Variants in HSD17B2 observed in about 807,000 individuals in gnomAD.
HSD17B2 encodes hydroxysteroid 17-beta dehydrogenase 2, also known as 17-beta-hydroxysteroid dehydrogenase type 2.
HSD17B2 carries 32 observed loss-of-function variants against 26.9 expected under a neutral mutation model. The ratio of observed to expected loss-of-function variants is 1.19; its 90% CI spans 0.90 to 1.60. The LOEUF (loss-of-function observed/expected upper bound fraction) is 1.60. Ranked by LOEUF, HSD17B2 falls within the 40% of genes most tolerant of loss-of-function variation. HSD17B2 has a pLI of 0.00. For missense variants in HSD17B2, 613 were observed against 468.6 expected (o/e 1.31, Z -2.85); for synonymous variants, 246 against 186.7 (o/e 1.32, Z -2.59).
intron 3 of HSD17B2, among the ~76,000 whole-genome samples, chr16:82,074,600 A>C (rs1914770613): frequency 6.6e-6 from 1 of 152,246 alleles, no homozygotes; most frequent in Non-Finnish European, 1.5e-5. Flanking sequence ...AAAAAGAGAC[A>C]AAGAAGGTCA....
intron 1 of HSD17B2, among the ~76,000 whole-genome samples, chr16:82,045,019 A>T (rs996840344): frequency 6.8e-6 from 1 of 147,454 alleles, no homozygotes; most frequent in Non-Finnish European, 1.5e-5. Flanking sequence ...TCTACTCAGG[A>T]GGCTGAGACA....
chr16:82,079,975 CTCCAGAAGAAGCACGTGGTTG>C (rs1014434371), intron 3 of HSD17B2, among the ~76,000 whole-genome samples: 81 of 152,254 alleles, frequency 5.3e-4, no homozygotes, highest in African/African-American at 1.8e-3. Context: ...CTAATAAGGG[CTCCAGAAGAAGCACGTGGTTG>C]CCCTGACCCA....
rs190472432 is a variant in HSD17B2, at chr16:82,090,121, T to C, written c.665-781T>C. ...CCACCATTTCCCAGGATGTATGTTA[T>C]TCCTCGTTGCAACAAGTATTGAGCA... On this transcript the variant is annotated intron_variant, in intron 3 of 4. Coordinates refer to ENST00000199936, the MANE Select transcript of HSD17B2 (RefSeq NM_002153.3). The C allele has an allele frequency of 1.8e-3, 926 of 503,960 alleles. 5 individuals are homozygous for C. The highest frequency in any genetic ancestry group is 1.8e-3 in the Non-Finnish European group (715 of 388,778). 31.2% of individuals were successfully genotyped at this position (503,960 alleles called of 1,614,324 possible).
intron 4 of HSD17B2, chr16:82,092,621 G>A (rs1009640852): frequency 2.0e-5 from 3 of 152,276 alleles, no homozygotes; most frequent in East Asian, 1.9e-4. Context: ...GAGACCCAGA[G>A]AAAGGGATAT....
At chr16:82,071,578 C>T (rs1446561735) in intron 3 of HSD17B2, 8 of 294,206 alleles carry the variant, frequency 2.7e-5, no homozygotes, top group South Asian at 2.0e-4. Context: ...ATTGTTAACC[C>T]GAAGATTGTC....
At chr16:82,069,587 G>A (rs1443620582) in intron 2 of HSD17B2, among the ~76,000 whole-genome samples, 1 of 152,104 alleles carries the variant, frequency 6.6e-6, no homozygotes, top group African/African-American at 2.4e-5. Context: ...CTTTGCCTCT[G>A]TCTCCCCACA....
At position 82,072,709 on chromosome 16, in the gene HSD17B2, T is replaced by C. The variant is rs145928307; in HGVS notation, c.664+1582T>C. 6.8e-4 allele frequency among the ~76,000 whole-genome samples: 103 copies of C among 152,232 alleles called. 1 individual carries two copies. Among genetic ancestry groups the C allele is most frequent in the African/African-American group, 2.4e-3 (101 of 41,534 alleles). On this transcript the variant is annotated intron_variant, in intron 3 of 4. Coordinates refer to ENST00000199936, the MANE Select transcript of HSD17B2 (RefSeq NM_002153.3). ...CAGTTAATCAGTGAAGAAATGCAAG[T>C]GTATGAACGAGTGAAAAATGGAAAA...
chr16:82,093,081 C>T (rs903827135), intron 4 of HSD17B2: 7 of 152,076 alleles, frequency 4.6e-5, no homozygotes, highest in African/African-American at 1.7e-4. Flanking sequence ...TTTTTAAAAT[C>T]GAGAAATATA....
intron 3 of HSD17B2, among the ~76,000 whole-genome samples, chr16:82,082,175 C>T (rs1904400750): frequency 6.6e-6 from 1 of 152,166 alleles, no homozygotes; most frequent in Non-Finnish European, 1.5e-5. Flanking sequence ...CTGCTCAGTT[C>T]CCTGTGCCCA....
At chr16:82,043,684 CAAAAAAAA>C (rs398030034) in intron 1 of HSD17B2, among the ~76,000 whole-genome samples, 409 of 22,542 alleles carry the variant, frequency 0.018, 19 homozygotes, top group African/African-American at 0.11. Context: ...AACTCTGTCT[CAAAAAAAA>C]AAAAAAAAAA....
At chr16:82,088,991 A>G (rs1904607379) in intron 3 of HSD17B2, among the ~76,000 whole-genome samples, 1 of 152,180 alleles carries the variant, frequency 6.6e-6, no homozygotes, top group Admixed American at 6.5e-5. Context: ...TCTTCTTAAA[A>G]GGGCACTAAT....
chr16:82,086,429 C>A (rs7189128), intron 3 of HSD17B2, among the ~76,000 whole-genome samples: 1 of 152,208 alleles, frequency 6.6e-6, no homozygotes, highest in South Asian at 2.1e-4. Flanking sequence ...AACTTCAAGT[C>A]CCTTATTTTT....
intron 1 of HSD17B2, among the ~76,000 whole-genome samples, chr16:82,067,706 C>A (rs1914604943): frequency 6.6e-6 from 1 of 152,236 alleles, no homozygotes. Context: ...CATGGGCAGC[C>A]TCTGTTATTG....
At chr16:82,078,890 C>T (rs1904319303) in intron 3 of HSD17B2, among the ~76,000 whole-genome samples, 1 of 151,904 alleles carries the variant, frequency 6.6e-6, no homozygotes, top group Non-Finnish European at 1.5e-5. Flanking sequence ...GTGGAGAGGA[C>T]TAAGGAGGGG....
intron 1 of HSD17B2, among the ~76,000 whole-genome samples, chr16:82,039,330 T>TGAGA (rs34511068): frequency 8.4e-5 from 12 of 143,520 alleles, no homozygotes; most frequent in African/African-American, 3.2e-4. Flanking sequence ...AGTTAGCAGA[T>TGAGA]GAGAGAGAGA....
chr16:82,072,417 G>A (rs1403919500), intron 3 of HSD17B2, among the ~76,000 whole-genome samples: 1 of 152,202 alleles, frequency 6.6e-6, no homozygotes, highest in Non-Finnish European at 1.5e-5. Flanking sequence ...ATTTTGGCCT[G>A]TGTGGAAGCC....
chr16:82,055,296 G>T (rs1039745960), intron 1 of HSD17B2, among the ~76,000 whole-genome samples: 2 of 152,282 alleles, frequency 1.3e-5, no homozygotes, highest in East Asian at 3.9e-4. Flanking sequence ...GCACTCTTCC[G>T]TGAACATGGC....
At chr16:82,064,657 C>T (rs958545309) in intron 1 of HSD17B2, among the ~76,000 whole-genome samples, 2 of 152,042 alleles carry the variant, frequency 1.3e-5, no homozygotes, top group African/African-American at 2.4e-5. Context: ...AAAACTAACT[C>T]GAGAAAGAAG....
At chr16:82,082,721 C>T (rs190257552) in intron 3 of HSD17B2, among the ~76,000 whole-genome samples, 18 of 152,280 alleles carry the variant, frequency 1.2e-4, no homozygotes, top group East Asian at 9.6e-4. Context: ...GATGTTAAAA[C>T]GCTCAGAACA....
Sources: allele counts gnomAD v4.1 joint callset (sites outside exome capture counted in the v4.1 genomes callset), GRCh38; gene constraint gnomAD v4.1.1; transcripts MANE v1.5; gene names NCBI Gene and HGNC (gene_info 2026-07-23, HGNC 2026-07-21).